RTN4: variants seen among roughly 807,000 people sequenced by gnomAD.
The protein encoded by RTN4 is reticulon-4.
A neutral mutation model predicts 90.4 loss-of-function variants in RTN4; 32 were observed. The observed-to-expected ratio is 0.35, with a 90% confidence interval of 0.27 to 0.48. The LOEUF (loss-of-function observed/expected upper bound fraction) is 0.48, where lower values mean the gene tolerates loss of function less well. RTN4 is among the 20% of genes least tolerant of loss of function. The pLI, the probability that RTN4 is intolerant of heterozygous loss-of-function variation, is 0.99. For missense variants in RTN4, 1,706 were observed against 1,430.2 expected (o/e 1.19, Z -3.11); for synonymous variants, 629 against 552.5 (o/e 1.14, Z -1.94).
At chr2:55,012,684 T>C (rs917403747) in intron 3 of RTN4, among the ~76,000 whole-genome samples, 17 of 152,196 alleles carry the variant, frequency 1.1e-4, no homozygotes, top group East Asian at 1.9e-4. Context: ...ATGCTAAAAA[T>C]AACAATCAAA....
At chr2:55,080,037 G>A (rs944705122) in intron 2 of RTN4, among the ~76,000 whole-genome samples, 5 of 152,072 alleles carry the variant, frequency 3.3e-5, no homozygotes, top group African/African-American at 1.2e-4. Flanking sequence ...TTATTTTGGG[G>A]GGACAGGGGA....
upstream of RTN4, among the ~76,000 whole-genome samples, chr2:55,052,057 T>G (rs1668102414): frequency 6.6e-6 from 1 of 152,124 alleles, no homozygotes; most frequent in African/African-American, 2.4e-5. Flanking sequence ...AAGTAAGAGT[T>G]GGAGGGAGGG....
At chr2:55,112,132 G>A (rs1668049768) in intron 1 of RTN4, among the ~76,000 whole-genome samples, 1 of 152,208 alleles carries the variant, frequency 6.6e-6, no homozygotes, top group Admixed American at 6.5e-5. Context: ...CCCCCTGTGG[G>A]GGAGCGTGTT....
intron 6 of RTN4, 143 bp from the exon 7 acceptor site, chr2:54,974,010 C>T: frequency 4.4e-6 from 3 of 674,276 alleles, no homozygotes; most frequent in South Asian, 3.9e-5. Context: ...TCTCTGGATG[C>T]ATCTGCTGTT....
At chr2:54,974,112 G>C in intron 6 of RTN4, 1 of 419,810 alleles carries the variant, frequency 2.4e-6, no homozygotes, top group Non-Finnish European at 4.3e-6. Context: ...ATCACAGTGA[G>C]ATTTCATAAA....
Position 55,050,044 on chromosome 2 carries a change from A to G in RTN4, c.257T>C (p.Val86Ala). ...CAGGGGTCCCCGGGGCGCCGGCGGC[A>G]CGAAGTCATTTCCGAAGTCCATCAG... ...APLMDFGNDF[V>A]PPAPRGPLPA... The change falls in exon 1 of 9, where the codon GTG becomes GCG. Residue 86 changes from valine to alanine, a missense_variant. Physicochemically the swap from Val to Ala is moderately conservative, Grantham distance 64. Coordinates refer to ENST00000337526, the MANE Select transcript of RTN4 (RefSeq NM_020532.5). This position sits in a 1 kb window ranked among gnomAD's most constrained non-coding sequence, Gnocchi z 4.6. 7.1e-7 allele frequency: 1 copy of G among 1,411,302 alleles called. No individual in the cohort carries two copies. Among genetic ancestry groups the G allele is most frequent in the Non-Finnish European group, 9.2e-7 (1 of 1,089,764 alleles). 87.4% of individuals were successfully genotyped at this position (1,411,302 alleles called of 1,614,324 possible). A position where few individuals can be genotyped will look rare whatever the true frequency, so the allele number is the denominator to read the frequency against.
intron 3 of RTN4, chr2:55,010,147 C>T (rs1680528043): frequency 6.2e-7 from 1 of 1,612,952 alleles, no homozygotes; most frequent in African/African-American, 1.3e-5. Context: ...CTTTGCAGCT[C>T]CAATTATTAA....
At position 55,066,673 on chromosome 2, in the gene RTN4, A is replaced by G. The variant is rs374751957; in HGVS notation, c.-63+13816T>C. ...CGTGCCACTGCACTCCAGCCTGGGT[A>G]ACAGCAAGACTCCATCTCAAAAATA... On this transcript the variant is annotated intron_variant, in intron 2 of 3. Coordinates refer to the RTN4 transcript ENST00000427710. 6.4e-4 allele frequency among the ~76,000 whole-genome samples: 97 copies of G among 151,208 alleles called. No homozygotes were observed. In the East Asian group the frequency reaches 0.016, roughly 25 times the overall value.
Position 54,972,420 on chromosome 2 carries a change from G to A in RTN4, c.*736C>T, listed in dbSNP as rs1677121921. On this transcript the variant is annotated 3_prime_UTR_variant, in exon 9 of 9. Transcript: ENST00000337526. ...TACAGTCAGTCTGTGCAATGAAATT[G>A]ATGTTGGAGTTCTATGTGTGTGGCA... is the stretch of plus-strand genomic sequence containing the variant. 7.6e-6 allele frequency: 1 copy of A among 131,006 alleles called. No individual in the cohort carries two copies. Among genetic ancestry groups the A allele is most frequent in the Non-Finnish European group, 1.8e-5 (1 of 55,836 alleles). The allele number at this position is 131,006 out of a possible 1,614,324, so 8.1% of individuals were successfully genotyped here.
At chr2:55,127,793 C>T in the RTN4 span, among the ~76,000 whole-genome samples, 2 of 152,174 alleles carry the variant, frequency 1.3e-5, no homozygotes, top group East Asian at 3.8e-4. Context: ...CAGACATTCC[C>T]CCAGAATCAC....
In RTN4 at chr2:55,028,183, A is replaced by T. The variant is rs1277637932; in HGVS notation, c.594T>A (p.Pro198=). The change falls in exon 2 of 9, where the codon CCT becomes CCA. Residue 198 remains proline (P), a synonymous_variant. Transcript: ENST00000337526. The part of the protein sequence containing the change: ...TLFALPAASE[P]VIRSSAENMD... ...ACTTGCCTGCAGAGGAGCGTATCAC[A>T]GGCTCAGATGCAGCAGGAAGAGCAA... 1 of 1,613,032 alleles carries T rather than the reference A, an allele frequency of 6.2e-7. No homozygotes were observed. Among genetic ancestry groups the T allele is most frequent in the South Asian group, 1.1e-5 (1 of 90,980 alleles).
the RTN4 span, among the ~76,000 whole-genome samples, chr2:55,137,426 A>T: frequency 6.6e-6 from 1 of 152,204 alleles, no homozygotes; most frequent in Non-Finnish European, 1.5e-5. Context: ...CATAGGAGTA[A>T]CGAATACCTG....
rs199905587 is a variant in RTN4, at chr2:54,972,309, C to A, written c.*847G>T. 5.2e-5 allele frequency: 8 copies of A among 152,574 alleles called. No individual in the cohort carries two copies. Among genetic ancestry groups the A allele is most frequent in the Admixed American group, 1.3e-4 (2 of 15,278 alleles). The allele number at this position is 152,574 out of a possible 1,614,324, so 9.5% of individuals were successfully genotyped here. ...ATCTTCATTTTGTAATTAATAATTT[C>A]TTGCATAACAATGTTTGATATTTGC... On this transcript the variant is annotated 3_prime_UTR_variant, in exon 9 of 9. Transcript: ENST00000337526.
At chr2:55,043,889 A>G (rs1329112173) in intron 1 of RTN4, among the ~76,000 whole-genome samples, 1 of 151,990 alleles carries the variant, frequency 6.6e-6, no homozygotes. Context: ...CCACCTCAAA[A>G]ATAAAATAAA....
chr2:55,019,595 G>T (rs1276836430), intron 3 of RTN4, among the ~76,000 whole-genome samples: 1 of 152,074 alleles, frequency 6.6e-6, no homozygotes, highest in African/African-American at 2.4e-5. Context: ...TTAATCACTA[G>T]GAAACATCGG....
At chr2:55,021,537 G>A (rs183467514) in intron 3 of RTN4, among the ~76,000 whole-genome samples, 1 of 150,726 alleles carries the variant, frequency 6.6e-6, no homozygotes, top group Non-Finnish European at 1.5e-5. Flanking sequence ...TGCCCAGGCA[G>A]GTCTCGAACT....
intron 5 of RTN4, among the ~76,000 whole-genome samples, chr2:54,980,657 C>G (rs912635138): frequency 3.9e-5 from 6 of 152,176 alleles, no homozygotes; most frequent in Non-Finnish European, 7.3e-5. Context: ...CTCCCCTAAG[C>G]TCACCAGGCT....
the RTN4 span, among the ~76,000 whole-genome samples, chr2:55,135,935 T>C: frequency 1.3e-5 from 2 of 152,258 alleles, no homozygotes; most frequent in Non-Finnish European, 1.5e-5. Flanking sequence ...TTATATATCA[T>C]AGTTTGTTTA....
intron 4 of RTN4, among the ~76,000 whole-genome samples, chr2:54,983,879 GA>G (rs928393715): frequency 6.6e-6 from 1 of 152,174 alleles, no homozygotes; most frequent in Non-Finnish European, 1.5e-5. Flanking sequence ...GTAAATTTGA[GA>G]AACAGACTTT....
Sources: allele counts gnomAD v4.1 joint callset (sites outside exome capture counted in the v4.1 genomes callset), GRCh38; gene constraint gnomAD v4.1.1; non-coding constraint Gnocchi (gnomAD v3.1); transcripts MANE v1.5; gene names NCBI Gene and HGNC (gene_info 2026-07-23, HGNC 2026-07-21).